The following TTLL3 variants were observed in gnomAD, a reference collection of about 807,000 sequenced individuals.
TTLL3 encodes the protein tubulin monoglycylase TTLL3.
Under a neutral mutation model 75.2 loss-of-function variants are expected in TTLL3, and 63 were observed. The observed-to-expected ratio is 0.84, with a 90% CI of 0.68 to 1.03. The LOEUF is 1.03. TTLL3 is among the 50% of genes least tolerant of loss of function. The probability of loss-of-function intolerance (pLI) is 0.00; values close to 1 mark genes in which losing one functional copy is unlikely to be tolerated. For missense variants in TTLL3, 997 were observed against 1,069.9 expected, an observed-to-expected ratio of 0.93 and a Z score of 0.95; for synonymous variants, 393 against 418.5, an observed-to-expected ratio of 0.94 and a Z score of 0.74.
upstream of TTLL3, chr3:9,809,928 A>C: frequency 2.6e-5 from 3 of 113,290 alleles, no homozygotes; most frequent in Non-Finnish European, 4.2e-5. Flanking sequence ...CCTAGGCAGG[A>C]ACTTCCCGGG....
At chr3:9,833,552 CA>C (rs1001117819) in intron 12 of TTLL3, among the ~76,000 whole-genome samples, 2 of 152,172 alleles carry the variant, frequency 1.3e-5, no homozygotes, top group Non-Finnish European at 2.9e-5. Context: ...ACCATTCCCC[CA>C]AAACACCCGA....
At chr3:9,830,615 G>A (rs1343036967) in intron 11 of TTLL3, among the ~76,000 whole-genome samples, 2 of 152,130 alleles carry the variant, frequency 1.3e-5, no homozygotes, top group African/African-American at 4.8e-5. Flanking sequence ...TACATGGGCA[G>A]GAAAATATGA....
At position 9,835,467 on chromosome 3, in the gene TTLL3, C is replaced by T. The variant is rs199961665; in HGVS notation, c.2426C>T (p.Pro809Leu). The change falls in exon 14 of 14, where the codon CCA becomes CTA. Residue 809 changes from proline to leucine, a missense_variant. By Grantham distance (98) the Pro-to-Leu change is moderately conservative. Coordinates refer to ENST00000685419, the MANE Select transcript of TTLL3 (RefSeq NM_001387446.1). ...SRVDGARPCTPGSTARA is the reference protein window; with the variant it reads ...SRVDGARPCTLGSTARA ...GTGGATGGGGCGAGGCCGTGTACCCCAGGGTCCACAGCAAGAGCCTGAGGC... is the reference window on the plus strand; with the variant it reads ...GTGGATGGGGCGAGGCCGTGTACCCTAGGGTCCACAGCAAGAGCCTGAGGC... 919 of 1,603,170 alleles carry T rather than the reference C, an allele frequency of 5.7e-4. No homozygotes were observed. Among genetic ancestry groups the T allele is most frequent in the Non-Finnish European group, 7.3e-4 (859 of 1,175,736 alleles).
In TTLL3 at chr3:9,828,992, A is replaced by G; in HGVS notation, c.1280A>G (p.Lys427Arg). 6.2e-7 allele frequency: 1 copy of G among 1,614,202 alleles called. No individual in the cohort carries two copies. The stretch of plus-strand genomic sequence containing the variant: ...CACCTGTGCAACAACTCCATCCAGA[A>G]GCACCTGGAGAACTCATGCCATCGG... ...SVHLCNNSIQ[K>R]HLENSCHRHP... Residue 427 changes from lysine to arginine, a missense_variant, in exon 11 of 14, where the codon AAG becomes AGG. Physicochemically the swap from Lys to Arg is conservative, Grantham distance 26. Transcript: ENST00000685419.
chr3:9,832,410 C>G (rs977634687), intron 11 of TTLL3, among the ~76,000 whole-genome samples: 3 of 152,080 alleles, frequency 2.0e-5, no homozygotes, highest in African/African-American at 7.2e-5. Flanking sequence ...TTAACAAGCT[C>G]CAAGTAATTC....
At position 9,820,631 on chromosome 3, in the gene TTLL3, G is replaced by A. The variant is rs768155655; in HGVS notation, c.744G>A (p.Glu248=). The change falls in exon 8 of 14, where the codon GAG becomes GAA. Residue 248 remains glutamate, a synonymous_variant. Coordinates refer to ENST00000685419, the MANE Select transcript of TTLL3 (RefSeq NM_001387446.1). ...ATGAAGCTCTGTGTGCGTGCGAGGA[G>A]TACCTTAGCAACTTGGCCCACATGG... The part of the protein sequence containing the change: ...FVDEALCACE[E]YLSNLAHMDI... 5.0e-6 allele frequency: 8 copies of A among 1,614,098 alleles called. No homozygotes were observed. In the Admixed American group the frequency reaches 1.2e-4, roughly 24 times the overall value.
chr3:9,834,603 C>T, intron 12 of TTLL3, 78 bp from the exon 13 acceptor site: 2 of 1,586,124 alleles, frequency 1.3e-6, no homozygotes, highest in Non-Finnish European at 8.6e-7. Flanking sequence ...TCCCCCCATC[C>T]TCCACACGTA....
chr3:9,826,944 TCTC>T lies in TTLL3; in HGVS notation c.1004-50_1004-48del. 3.1e-6 allele frequency: 5 copies of T among 1,609,380 alleles called. No homozygotes were observed. The South Asian group carries it at 3.3e-5, about 11-fold the overall frequency. ...CAAGAGCTCATGACAAGCTGGCCCTTCTCCTGGCCCACGCCTGACCTTCCAATC... is the reference window on the plus strand; with the variant it reads ...CAAGAGCTCATGACAAGCTGGCCCTTCTGGCCCACGCCTGACCTTCCAATC... On this transcript the variant is annotated intron_variant, in intron 9 of 13. Transcript: ENST00000685419.
chr3:9,814,073 G>T (rs2079589967), intron 4 of TTLL3, among the ~76,000 whole-genome samples: 1 of 151,814 alleles, frequency 6.6e-6, no homozygotes, highest in Non-Finnish European at 1.5e-5. Context: ...GCCGAGGCGG[G>T]CAGATTCCTT....
At position 9,825,947 on chromosome 3, in the gene TTLL3, A is replaced by C; in HGVS notation, c.1002A>C (p.Arg334=). ...IVKPGAKSRG[R]GIMCMDHLEE... ...AGCCAGGAGCCAAGTCCCGCGGACG[A>C]GGTGGGGGTCAGCTCCTGCTTCCTG... is the stretch of plus-strand genomic sequence containing the variant. The change falls in exon 9 of 14, where the codon CGA becomes CGC. Residue 334 remains arginine, a splice_region_variant and synonymous_variant. Coordinates refer to ENST00000685419, the MANE Select transcript of TTLL3 (RefSeq NM_001387446.1). 3 of 1,612,578 alleles carry C rather than the reference A, an allele frequency of 1.9e-6. No individual in the cohort carries two copies. The highest frequency in any genetic ancestry group is 2.5e-6 in the Non-Finnish European group (3 of 1,178,702).
At chr3:9,817,864 GC>G in intron 6 of TTLL3, 105 bp downstream of exon 6, 1 of 1,422,188 alleles carries the variant, frequency 7.0e-7, no homozygotes, top group Non-Finnish European at 9.6e-7. Context: ...GCCCTCATCT[GC>G]CTGCCCCAGC....
At chr3:9,817,342 T>G (rs568228588) in intron 5 of TTLL3, 5 of 763,032 alleles carry the variant, frequency 6.6e-6, no homozygotes, top group Non-Finnish European at 8.0e-6. Context: ...GAGAATGGTG[T>G]GAACCCGGGA....
rs1356661497 is a variant in TTLL3, at chr3:9,835,089, C to T, written c.2053-5C>T. ...CTCCCTCTTCTCCCCTCCTTTCACACCGAGGCTCCTGCTCTCCTGTGCCTC... is the reference window on the plus strand; with the variant it reads ...CTCCCTCTTCTCCCCTCCTTTCACATCGAGGCTCCTGCTCTCCTGTGCCTC... On this transcript the variant is annotated splice_polypyrimidine_tract_variant and splice_region_variant and intron_variant, in intron 13 of 13. Coordinates refer to ENST00000685419, the MANE Select transcript of TTLL3 (RefSeq NM_001387446.1). 49 of 1,602,010 alleles carry T rather than the reference C, an allele frequency of 3.1e-5. No homozygotes were observed. The highest frequency in any genetic ancestry group is 4.1e-5 in the Non-Finnish European group (48 of 1,172,984).
chr3:9,831,238 T>G (rs1381653887), intron 11 of TTLL3, among the ~76,000 whole-genome samples: 1 of 152,192 alleles, frequency 6.6e-6, no homozygotes, highest in Non-Finnish European at 1.5e-5. Flanking sequence ...CCCATAGTTT[T>G]GATCTTTTGA....
rs968508193 is a variant in TTLL3, at chr3:9,816,100, C to G, written c.342C>G (p.Pro114=). ...LMSRMVQNEI[P]YFIWTTRRDV... ...CCCGCATGGTCCAGAATGAGATCCC[C>G]TACTTCATCTGGACCACTCGGCGGG... Residue 114 remains proline (P), a synonymous_variant, in exon 5 of 14, where the codon CCC becomes CCG. Transcript: ENST00000685419. The G allele has an allele frequency of 7.4e-7, 1 of 1,352,666 alleles. No individual in the cohort carries two copies. The highest frequency in any genetic ancestry group is 2.0e-5 in the Admixed American group (1 of 50,238). The allele number at this position is 1,352,666 out of a possible 1,614,324, so 83.8% of individuals were successfully genotyped here.
At position 9,829,067 on chromosome 3, in the gene TTLL3, C is replaced by T. The variant is rs1343523264; in HGVS notation, c.1355C>T (p.Ala452Val). 6.2e-7 allele frequency: 1 copy of T among 1,614,252 alleles called. No individual in the cohort carries two copies. The highest frequency in any genetic ancestry group is 8.5e-7 in the Non-Finnish European group (1 of 1,180,052). ...DNMWSSQRFQ[A>V]HLQEMGAPNA... ...ATGTGGTCTAGCCAGAGGTTCCAGGCCCACCTGCAGGAGATGGGTGCCCCA... is the reference window on the plus strand; with the variant it reads ...ATGTGGTCTAGCCAGAGGTTCCAGGTCCACCTGCAGGAGATGGGTGCCCCA... Residue 452 changes from alanine to valine, a missense_variant, in exon 11 of 14, where the codon GCC becomes GTC. By Grantham distance (64) the Ala-to-Val change is moderately conservative. Coordinates refer to ENST00000685419, the MANE Select transcript of TTLL3 (RefSeq NM_001387446.1).
At position 9,810,404 on chromosome 3, in the gene TTLL3, G is replaced by A; in HGVS notation, c.-42+10G>A. The stretch of plus-strand genomic sequence containing the variant: ...CCCTCTCCGCAGGATGGTGAGGCCC[G>A]TGCGGCCCGCTCGCTCTGGCCTACA... On this transcript the variant is annotated intron_variant, in intron 1 of 13. Transcript: ENST00000685419. This position sits in a 1 kb window ranked among gnomAD's most constrained non-coding sequence, Gnocchi z 4.4. 2.1e-6 allele frequency: 3 copies of A among 1,412,808 alleles called. No individual in the cohort carries two copies. The highest frequency in any genetic ancestry group is 3.0e-5 in the South Asian group (2 of 65,724). 87.5% of individuals were successfully genotyped at this position (1,412,808 alleles called of 1,614,324 possible). A position where few individuals can be genotyped will look rare whatever the true frequency, so the allele number is the denominator to read the frequency against.
intron 4 of TTLL3, 98 bp downstream of exon 4, chr3:9,813,443 C>A: frequency 7.3e-7 from 1 of 1,361,636 alleles, no homozygotes; most frequent in Non-Finnish European, 1.0e-6. Context: ...CTTTCTTTCT[C>A]TGGGCCACAG....
rs572528441 is a variant in TTLL3, at chr3:9,818,222, T to A, written c.559+463T>A. ...ATTCAGAATCTGAACTAGGACACAG[T>A]CTGGTTCTCAGGACAGAATAAGTAT... On this transcript the variant is annotated intron_variant, in intron 6 of 13. Transcript: ENST00000685419. The A allele has an allele frequency of 2.4e-4, 42 of 173,808 alleles. 1 individual carries two copies. The South Asian group carries it at 3.1e-3, about 13-fold the overall frequency. The allele number at this position is 173,808 out of a possible 1,614,324, so 10.8% of individuals were successfully genotyped here.
Sources: allele counts gnomAD v4.1 joint callset (sites outside exome capture counted in the v4.1 genomes callset), GRCh38; gene constraint gnomAD v4.1.1; non-coding constraint Gnocchi (gnomAD v3.1); transcripts MANE v1.5; gene names NCBI Gene and HGNC (gene_info 2026-07-23, HGNC 2026-07-21).